TMEM98: variants seen among roughly 807,000 people sequenced by gnomAD.
TMEM98 encodes the protein transmembrane protein 98.
A neutral mutation model predicts 25.0 loss-of-function variants in TMEM98; 18 were observed. The observed-to-expected ratio is 0.72, with a 90% CI of 0.50 to 1.07. The LOEUF is 1.07. TMEM98 is among the 50% of genes least tolerant of loss of function. The pLI is 0.00. For synonymous variants in TMEM98, 103 were observed against 112.4 expected (o/e 0.92, Z 0.53); for missense variants, 241 against 289.0 (o/e 0.83, Z 1.20).
rs778607095 is a variant in TMEM98, at chr17:32,943,545, T to A, written c.*2552T>A. The A allele has an allele frequency of 2.6e-4, 39 of 152,218 alleles. No individual in the cohort carries two copies. Among genetic ancestry groups the A allele is most frequent in the Non-Finnish European group, 4.6e-4 (31 of 68,054 alleles). The allele number at this position is 152,218 out of a possible 1,614,324, so 9.4% of individuals were successfully genotyped here. A position where few individuals can be genotyped will look rare whatever the true frequency, so the allele number is the denominator to read the frequency against. ...CTGGAATAGGAGCATTAGACTCAAA[T>A]TCTGATGAAAAAGAAATTACTTGGA... On this transcript the variant is annotated 3_prime_UTR_variant, in exon 8 of 8. Transcript: ENST00000579849.
At chr17:32,939,937 G>A (rs923222212) in intron 7 of TMEM98, among the ~76,000 whole-genome samples, 2 of 152,178 alleles carry the variant, frequency 1.3e-5, no homozygotes, top group African/African-American at 4.8e-5. Flanking sequence ...GAATGGAGGT[G>A]ACAGGTCAGC....
Position 32,933,273 on chromosome 17 carries a change from T to C in TMEM98, c.231T>C (p.Ile77=). ...TCACCAACCCCCACATTGAGGCCATTCTGGAGAATGAAGACTGGATCGAAG... is the reference window on the plus strand; with the variant it reads ...TCACCAACCCCCACATTGAGGCCATCCTGGAGAATGAAGACTGGATCGAAG... ...VVITNPHIEA[I]LENEDWIEDA... is the part of the protein sequence containing the mutation. The change falls in exon 4 of 8, where the codon ATT becomes ATC. Residue 77 remains isoleucine (I), a synonymous_variant. Coordinates refer to ENST00000579849, the MANE Select transcript of TMEM98 (RefSeq NM_015544.3). The C allele has an allele frequency of 1.2e-6, 2 of 1,614,130 alleles. No individual in the cohort carries two copies. Among genetic ancestry groups the C allele is most frequent in the Non-Finnish European group, 1.7e-6 (2 of 1,180,022 alleles).
At position 32,939,464 on chromosome 17, in the gene TMEM98, T is replaced by C. The variant is rs893940655; in HGVS notation, c.414-13T>C. 2.7e-5 allele frequency: 44 copies of C among 1,612,760 alleles called. No individual in the cohort carries two copies. The highest frequency in any genetic ancestry group is 3.6e-5 in the Non-Finnish European group (42 of 1,179,730). On this transcript the variant is annotated splice_polypyrimidine_tract_variant and intron_variant, in intron 6 of 7. Coordinates refer to ENST00000579849, the MANE Select transcript of TMEM98 (RefSeq NM_015544.3). ...GGAAAGTGAAGTACTGAACACCTTT[T>C]GCCTCCGGTCAGGGTGGATGATGTT...
At chr17:32,934,206 AG>A (rs1418906123) in intron 4 of TMEM98, 84 bp from the exon 5 acceptor site, 2 of 1,492,986 alleles carry the variant, frequency 1.3e-6, no homozygotes, top group African/African-American at 2.8e-5. Flanking sequence ...CCCACCGGTC[AG>A]GGCAAGTTGA....
chr17:32,940,602 GT>G lies in TMEM98; in HGVS notation c.474-181del, dbSNP rs1244414494. 2.6e-5 allele frequency among the ~76,000 whole-genome samples: 4 copies of G among 152,272 alleles called. No individual in the cohort carries two copies. In the East Asian group the frequency reaches 5.8e-4, roughly 22 times the overall value. On this transcript the variant is annotated intron_variant, in intron 7 of 7. Coordinates refer to ENST00000579849, the MANE Select transcript of TMEM98 (RefSeq NM_015544.3). ...TCTGAGGCAGGCTTCAGTTAACCAT[GT>G]TTAACCCAGCCATCTCCAAATTTAT... is the stretch of plus-strand genomic sequence containing the variant.
chr17:32,935,971 T>C (rs1264217088), intron 5 of TMEM98, among the ~76,000 whole-genome samples: 2 of 152,194 alleles, frequency 1.3e-5, no homozygotes, highest in African/African-American at 4.8e-5. Context: ...ATATTTATTC[T>C]TGTGGAAGAC....
chr17:32,934,473 T>C (rs1411412439), intron 5 of TMEM98, 149 bp downstream of exon 5: 9 of 769,562 alleles, frequency 1.2e-5, no homozygotes, highest in Admixed American at 7.5e-5. Context: ...GTGGTTTACT[T>C]CCCCCCCTGC....
At chr17:32,938,216 C>T (rs894942823) in intron 6 of TMEM98, among the ~76,000 whole-genome samples, 1 of 152,204 alleles carries the variant, frequency 6.6e-6, no homozygotes, top group Admixed American at 6.5e-5. Flanking sequence ...TGCCCTCACA[C>T]TTCTTTCTCC....
intron 5 of TMEM98, 56 bp from the exon 6 acceptor site, chr17:32,936,276 C>A: frequency 7.0e-7 from 1 of 1,429,728 alleles, no homozygotes; most frequent in Non-Finnish European, 9.7e-7. Flanking sequence ...GTGGGGGTGG[C>A]GAGGCCCTGA....
At chr17:32,931,426 C>T (rs560324750) in intron 2 of TMEM98, 24 bp downstream of exon 2, 1 of 1,482,890 alleles carries the variant, frequency 6.7e-7, no homozygotes, top group Non-Finnish European at 9.0e-7. Flanking sequence ...GTCCCACTCT[C>T]TTTCGTGGCT....
Position 32,940,876 on chromosome 17 carries a change from G to A in TMEM98, c.564G>A (p.Gln188=), listed in dbSNP as rs1473642629. The A allele has an allele frequency of 5.0e-6, 8 of 1,614,222 alleles. No homozygotes were observed. The highest frequency in any genetic ancestry group is 1.7e-5 in the Admixed American group (1 of 60,028). ...HLTGGLDWID[Q]SLSAAEEHLE... is the part of the protein sequence containing the mutation. ...CGGGAGGCCTGGACTGGATTGACCA[G>A]TCTCTGTCGGCTGCTGAGGAGCATT... Residue 188 remains glutamine (Q), a synonymous_variant, in exon 8 of 8, where the codon CAG becomes CAA. Coordinates refer to ENST00000579849, the MANE Select transcript of TMEM98 (RefSeq NM_015544.3).
intron 1 of TMEM98, chr17:32,931,005 C>G (rs1779657929): frequency 6.6e-6 from 1 of 152,590 alleles, no homozygotes; most frequent in Non-Finnish European, 1.5e-5. Flanking sequence ...GAGTTCAAGA[C>G]CAGCCTGGCC....
chr17:32,940,264 T>C (rs2091521593), intron 7 of TMEM98, among the ~76,000 whole-genome samples: 1 of 152,222 alleles, frequency 6.6e-6, no homozygotes, highest in South Asian at 2.1e-4. Context: ...CTTTCAGCAC[T>C]GAAAAATCTA....
chr17:32,935,555 C>CT (rs1295438719), intron 5 of TMEM98, among the ~76,000 whole-genome samples: 1 of 152,098 alleles, frequency 6.6e-6, no homozygotes, highest in Non-Finnish European at 1.5e-5. Context: ...GTCACCTGCC[C>CT]TTGAGTCTCT....
intron 5 of TMEM98, among the ~76,000 whole-genome samples, chr17:32,935,366 C>G (rs2091490759): frequency 1.3e-5 from 2 of 152,116 alleles, no homozygotes; most frequent in African/African-American, 4.8e-5. Context: ...AAGATGTGTC[C>G]TGGGCCTGGG....
Position 32,928,197 on chromosome 17 carries a change from G to A in TMEM98, c.-171G>A, listed in dbSNP as rs1306960428. 2 of 148,362 alleles carry A rather than the reference G, an allele frequency of 1.3e-5. No homozygotes were observed. The highest frequency in any genetic ancestry group is 4.9e-5 in the African/African-American group (2 of 40,900). The allele number at this position is 148,362 out of a possible 1,614,324, so 9.2% of individuals were successfully genotyped here. A position where few individuals can be genotyped will look rare whatever the true frequency, so the allele number is the denominator to read the frequency against. ...CGCCCGCGCCCGGACTTTGCCATCG[G>A]CGGGGCAGTCGCGGGATGCGCCCGG... On this transcript the variant is annotated 5_prime_UTR_variant, in exon 1 of 8. Coordinates refer to ENST00000579849, the MANE Select transcript of TMEM98 (RefSeq NM_015544.3).
Position 32,940,899 on chromosome 17 carries a change from A to G in TMEM98, c.587A>G (p.His196Arg). The change falls in exon 8 of 8, where the codon CAT (histidine) becomes CGT (arginine). Residue 196 changes from histidine to arginine, a missense_variant. Physicochemically the swap from His to Arg is conservative, Grantham distance 29. Transcript: ENST00000579849. ...IDQSLSAAEE[H>R]LEVLREAALA... is the part of the protein sequence containing the mutation. The stretch of plus-strand genomic sequence containing the variant: ...CAGTCTCTGTCGGCTGCTGAGGAGC[A>G]TTTGGAAGTCCTTCGAGAAGCAGCC... 1 of 1,614,206 alleles carries G rather than the reference A, an allele frequency of 6.2e-7. No homozygotes were observed. Among genetic ancestry groups the G allele is most frequent in the African/African-American group, 1.3e-5 (1 of 75,058 alleles).
At chr17:32,934,938 A>G (rs571390210) in intron 5 of TMEM98, among the ~76,000 whole-genome samples, 2 of 152,318 alleles carry the variant, frequency 1.3e-5, no homozygotes, top group African/African-American at 4.8e-5. Flanking sequence ...TTTGTTTTCA[A>G]TTCTTGCCTG....
intron 4 of TMEM98, among the ~76,000 whole-genome samples, 177 bp downstream of exon 4, chr17:32,933,482 C>T (rs1255005044): frequency 6.6e-6 from 1 of 152,178 alleles, no homozygotes; most frequent in Non-Finnish European, 1.5e-5. Flanking sequence ...TTTGTCCTTT[C>T]CTTCTCTCCC....
Sources: allele counts gnomAD v4.1 joint callset (sites outside exome capture counted in the v4.1 genomes callset), GRCh38; gene constraint gnomAD v4.1.1; transcripts MANE v1.5; gene names NCBI Gene and HGNC (gene_info 2026-07-23, HGNC 2026-07-21).